Variants in WWOX observed in about 807,000 individuals in gnomAD.
WWOX encodes the protein WW domain-containing oxidoreductase.
Under a neutral mutation model 46.2 loss-of-function variants are expected in WWOX, and 69 were observed. The observed-to-expected ratio is 1.49, with a 90% CI of 1.23 to 1.82. WWOX has a LOEUF of 1.82. Ranked by LOEUF, WWOX falls within the 40% of genes most tolerant of loss-of-function variation. The pLI is 0.00. For synonymous variants in WWOX, 359 were observed against 202.6 expected (o/e 1.77, Z -6.56); for missense variants, 919 against 542.6 (o/e 1.69, Z -6.89).
chr16:78,894,352 C>T (rs750704785), intron 8 of WWOX, among the ~76,000 whole-genome samples: 2 of 152,166 alleles, frequency 1.3e-5, no homozygotes, highest in East Asian at 1.9e-4. Flanking sequence ...TCCAGCACAG[C>T]AAAGGATACA....
chr16:78,546,246 T>C (rs1351880611), intron 8 of WWOX, among the ~76,000 whole-genome samples: 4 of 152,120 alleles, frequency 2.6e-5, no homozygotes, highest in African/African-American at 7.2e-5. Flanking sequence ...AAGGCTTCTC[T>C]GAGGAGGTGA....
intron 8 of WWOX, among the ~76,000 whole-genome samples, chr16:78,934,422 T>A (rs1327272456): frequency 7.2e-6 from 1 of 139,224 alleles, no homozygotes; most frequent in Non-Finnish European, 1.5e-5. Flanking sequence ...AGCAGGAGGA[T>A]CACTTGAGTC....
chr16:78,368,480 A>G (rs934759559), intron 5 of WWOX, among the ~76,000 whole-genome samples: 1 of 152,178 alleles, frequency 6.6e-6, no homozygotes, highest in Non-Finnish European at 1.5e-5. Context: ...TCAATGTGGT[A>G]AAAGCTCTGG....
rs538611900 is a variant in WWOX, at chr16:78,864,354, T to A, written c.1057-347254T>A. 2.6e-5 allele frequency among the ~76,000 whole-genome samples: 4 copies of A among 151,604 alleles called. No homozygotes were observed. In the South Asian group the frequency reaches 8.4e-4, roughly 32 times the overall value. ...CAGTCATGGTTCACTGCAGCCTCGA[T>A]CTCCTGGGGCTCAAGCCATCCTCCC... On this transcript the variant is annotated intron_variant, in intron 8 of 8. Transcript: ENST00000566780.
At chr16:78,476,854 T>TTTCCTTC (rs1441660502) in intron 8 of WWOX, among the ~76,000 whole-genome samples, 2 of 152,050 alleles carry the variant, frequency 1.3e-5, no homozygotes, top group African/African-American at 2.4e-5. Flanking sequence ...CGTTTTTCTT[T>TTTCCTTC]TTCCTTCCCT....
intron 5 of WWOX, among the ~76,000 whole-genome samples, chr16:78,306,523 A>G (rs1007129005): frequency 6.6e-6 from 1 of 152,124 alleles, no homozygotes; most frequent in Non-Finnish European, 1.5e-5. Context: ...CACTCTATTT[A>G]TAATGTTGTT....
chr16:78,497,922 G>A (rs1228671962), intron 8 of WWOX, among the ~76,000 whole-genome samples: 2 of 151,920 alleles, frequency 1.3e-5, no homozygotes, highest in African/African-American at 4.8e-5. Context: ...GCATCAGGGG[G>A]CTGGGAGCAG....
intron 5 of WWOX, among the ~76,000 whole-genome samples, chr16:78,332,154 C>G (rs1404646988): frequency 6.6e-6 from 1 of 152,144 alleles, no homozygotes; most frequent in Non-Finnish European, 1.5e-5. Flanking sequence ...CCACCTACAT[C>G]CTGGGTTATG....
At chr16:78,711,422 C>T (rs191703435) in intron 8 of WWOX, among the ~76,000 whole-genome samples, 70 of 152,270 alleles carry the variant, frequency 4.6e-4, no homozygotes, top group African/African-American at 1.6e-3. Context: ...GACTAGGTGG[C>T]TGCAGCCACT....
chr16:78,463,986 G>C (rs1310598149), intron 8 of WWOX, among the ~76,000 whole-genome samples: 2 of 152,150 alleles, frequency 1.3e-5, no homozygotes, highest in South Asian at 2.1e-4. Flanking sequence ...AGAAGTCTTA[G>C]GTTGTTGATC....
At chr16:78,419,086 G>C (rs1425452316) in intron 6 of WWOX, among the ~76,000 whole-genome samples, 1 of 151,986 alleles carries the variant, frequency 6.6e-6, no homozygotes, top group Admixed American at 6.6e-5. Flanking sequence ...AAATGAACAG[G>C]TTCAGCCAGG....
rs11644260 is a variant in WWOX, at chr16:79,144,769, A to C, written c.1057-66839A>C. Among the ~76,000 whole-genome samples, 834 of 152,290 alleles carry C rather than the reference A, an allele frequency of 5.5e-3. 8 individuals carry two copies. The highest frequency in any genetic ancestry group is 5.3e-3 in the Non-Finnish European group (363 of 68,022). On this transcript the variant is annotated intron_variant, in intron 8 of 8. Coordinates refer to ENST00000566780, the MANE Select transcript of WWOX (RefSeq NM_016373.4). The stretch of plus-strand genomic sequence containing the variant: ...CCAAGGTTTCAGTTATACATTGTCA[A>C]CTGTGGTACAAATATATTACTTACA...
chr16:78,971,900 G>C (rs757132017), intron 8 of WWOX, among the ~76,000 whole-genome samples: 23 of 152,150 alleles, frequency 1.5e-4, no homozygotes, highest in Non-Finnish European at 2.6e-4. Flanking sequence ...CGGGATATTA[G>C]TGCAGACCTT....
intron 5 of WWOX, among the ~76,000 whole-genome samples, chr16:78,215,149 G>A (rs1196360071): frequency 6.6e-6 from 1 of 152,190 alleles, no homozygotes; most frequent in Non-Finnish European, 1.5e-5. Flanking sequence ...TGTGCTGTTT[G>A]TAAAATCACT....
intron 8 of WWOX, among the ~76,000 whole-genome samples, chr16:78,752,958 C>T (rs529647481): frequency 4.6e-5 from 7 of 152,272 alleles, no homozygotes; most frequent in East Asian, 1.9e-4. Flanking sequence ...AATTCTAGGC[C>T]GTTTGTCTGC....
rs193293336 is a variant in WWOX, at chr16:78,118,121, G to C, written c.409+2967G>C. Reference sequence around the variant, plus strand: ...GGTGAGGATCTCACTGATAAAGAAGGGGACATCCCTCCCTTGATAGACTTT... The same window carrying C: ...GGTGAGGATCTCACTGATAAAGAAGCGGACATCCCTCCCTTGATAGACTTT... On this transcript the variant is annotated intron_variant, in intron 4 of 8. Coordinates refer to ENST00000566780, the MANE Select transcript of WWOX (RefSeq NM_016373.4). Among the ~76,000 whole-genome samples, 3 of 151,686 alleles carry C rather than the reference G, an allele frequency of 2.0e-5. No homozygotes were observed. In the East Asian group the frequency reaches 5.8e-4, roughly 29 times the overall value.
At chr16:79,100,504 G>A (rs571424314) in intron 8 of WWOX, among the ~76,000 whole-genome samples, 1 of 152,096 alleles carries the variant, frequency 6.6e-6, no homozygotes, top group African/African-American at 2.4e-5. Context: ...GACCAATGAA[G>A]TAGAACAAGA....
intron 8 of WWOX, among the ~76,000 whole-genome samples, chr16:78,727,729 T>C (rs981260659): frequency 9.9e-5 from 15 of 152,210 alleles, no homozygotes; most frequent in Non-Finnish European, 1.5e-4. Flanking sequence ...GGGAGGACTT[T>C]GGACTTGGGG....
At position 79,208,630 on chromosome 16, in the gene WWOX, A is replaced by AT. The variant is rs1262016183; in HGVS notation, c.1057-2978_1057-2977insT. On this transcript the variant is annotated intron_variant, in intron 8 of 8. Transcript: ENST00000566780. ...CTGATGGTGATTAAAGTGCTCTTTA[A>AT]ATTTTTTTTTTAATCAGTTTAAGAA... is the stretch of plus-strand genomic sequence containing the variant. 1.1e-4 allele frequency among the ~76,000 whole-genome samples: 9 copies of AT among 81,364 alleles called. No homozygotes were observed. The East Asian group carries it at 2.0e-3, about 18-fold the overall frequency. The allele number at this position is 81,364 out of a possible 152,430, so 53.4% of individuals were successfully genotyped here. A position where few individuals can be genotyped will look rare whatever the true frequency, so the allele number is the denominator to read the frequency against.
Sources: allele counts gnomAD v4.1 joint callset (sites outside exome capture counted in the v4.1 genomes callset), GRCh38; gene constraint gnomAD v4.1.1; transcripts MANE v1.5; gene names NCBI Gene and HGNC (gene_info 2026-07-23, HGNC 2026-07-21).